Variants in XKR9 observed in about 807,000 individuals in gnomAD.
XKR9 encodes XK-related protein 9.
Under a neutral mutation model 32.0 loss-of-function variants are expected in XKR9, and 32 were observed. That is an observed-to-expected ratio of 1.00 (90% CI 0.76 to 1.34). The LOEUF (loss-of-function observed/expected upper bound fraction) is 1.34, where lower values mean the gene tolerates loss of function less well. Among genes scored for constraint, XKR9 ranks in the 40% most tolerant of loss-of-function variants. The pLI is 0.00. For synonymous variants in XKR9, 168 were observed against 143.4 expected, an observed-to-expected ratio of 1.17 and a Z score of -1.22; for missense variants, 546 against 429.7, an observed-to-expected ratio of 1.27 and a Z score of -2.39.
chr8:70,703,920 C>A (rs964894070), intron 3 of XKR9, among the ~76,000 whole-genome samples: 2 of 152,144 alleles, frequency 1.3e-5, no homozygotes, highest in Non-Finnish European at 2.9e-5. Context: ...TGGTACCTCA[C>A]GCCTGTAATC....
rs776564362 is a variant in XKR9, at chr8:70,733,800, G to A, written c.498G>A (p.Ala166=). 1.2e-5 allele frequency: 18 copies of A among 1,546,822 alleles called. No homozygotes were observed. The highest frequency in any genetic ancestry group is 4.5e-5 in the Admixed American group (2 of 44,534). Residue 166 remains alanine (A), a synonymous_variant, in exon 5 of 5, where the codon GCG becomes GCA. Transcript: ENST00000408926. ...TTTTATTTTTTTGTTTTGTAGATGC[G>A]GCCATCATGGTCTCTTGCTGTGCTA... is the stretch of plus-strand genomic sequence containing the variant. The part of the protein sequence containing the change: ...EHGQANFSQY[A]AIMVSCCAIS...
At chr8:70,849,125 A>C in the XKR9 span, among the ~76,000 whole-genome samples, 3 of 152,202 alleles carry the variant, frequency 2.0e-5, no homozygotes, top group Non-Finnish European at 4.4e-5. Flanking sequence ...CTCTCAACAC[A>C]AGCCAACAGA....
At chr8:71,050,243 A>C in the XKR9 span, among the ~76,000 whole-genome samples, 38 of 123,420 alleles carry the variant, frequency 3.1e-4, no homozygotes, top group East Asian at 7.1e-3. Flanking sequence ...AGAGATATAT[A>C]TATATATATA....
At chr8:70,898,428 G>A in the XKR9 span, among the ~76,000 whole-genome samples, 1 of 152,032 alleles carries the variant, frequency 6.6e-6, no homozygotes, top group Non-Finnish European at 1.5e-5. Flanking sequence ...ATACATTTTA[G>A]GATTGATTTT....
chr8:70,710,551 C>G (rs957944103), intron 4 of XKR9, among the ~76,000 whole-genome samples: 1 of 151,894 alleles, frequency 6.6e-6, no homozygotes. Context: ...ACATAGAGAA[C>G]AATTAGCTGG....
the XKR9 span, among the ~76,000 whole-genome samples, chr8:70,816,969 T>C: frequency 6.6e-6 from 1 of 152,024 alleles, no homozygotes; most frequent in Non-Finnish European, 1.5e-5. Context: ...AAGGAACATA[T>C]CTCACAATAA....
At chr8:70,971,444 T>C in the XKR9 span, among the ~76,000 whole-genome samples, 1 of 152,228 alleles carries the variant, frequency 6.6e-6, no homozygotes, top group Non-Finnish European at 1.5e-5. Context: ...TTTCTTTTGC[T>C]GTGCAGAAAG....
At chr8:70,683,499 T>C (rs1430674529) in intron 3 of XKR9, 2 of 442,378 alleles carry the variant, frequency 4.5e-6, no homozygotes, top group South Asian at 3.3e-5. Flanking sequence ...TTTTCTTTTT[T>C]TTTTTTGAGA....
chr8:70,926,991 A>G, the XKR9 span, among the ~76,000 whole-genome samples: 2 of 152,082 alleles, frequency 1.3e-5, no homozygotes, highest in African/African-American at 4.8e-5. Context: ...CTTACATTTC[A>G]TATGTATAAA....
the XKR9 span, among the ~76,000 whole-genome samples, chr8:70,994,747 GTT>G: frequency 0.33 from 42,209 of 126,830 alleles, 6,759 homozygotes; most frequent in Non-Finnish European, 0.43. Flanking sequence ...GTTATATTCT[GTT>G]TTTTTTTTTT....
chr8:70,760,607 G>A (rs1807294703), intron 2 of XKR9, among the ~76,000 whole-genome samples: 1 of 152,152 alleles, frequency 6.6e-6, no homozygotes, highest in South Asian at 2.1e-4. Context: ...GGGAGTACAG[G>A]CAGGTGCCAC....
At chr8:70,986,731 T>C in the XKR9 span, among the ~76,000 whole-genome samples, 5 of 152,214 alleles carry the variant, frequency 3.3e-5, no homozygotes, top group Admixed American at 6.5e-5. Flanking sequence ...TAGCACCTCT[T>C]GAAGAGACTG....
At chr8:70,835,461 A>G in the XKR9 span, among the ~76,000 whole-genome samples, 1 of 152,088 alleles carries the variant, frequency 6.6e-6, no homozygotes, top group African/African-American at 2.4e-5. Flanking sequence ...TCAGATCTTA[A>G]GATTTTAGGA....
In XKR9 at chr8:70,768,585, A is replaced by T. The variant is rs10104929; in HGVS notation, n.353-20754A>T. Among the ~76,000 whole-genome samples, 466 of 151,982 alleles carry T rather than the reference A, an allele frequency of 3.1e-3. 4 individuals are homozygous for T. Among genetic ancestry groups the T allele is most frequent in the African/African-American group, 0.011 (441 of 41,464 alleles). Reference sequence around the variant, plus strand: ...ATTATTGTCTAGTATGTCTCTAAAAACTTCCTTTTAAATCTGGGTATTCCT... The same window carrying T: ...ATTATTGTCTAGTATGTCTCTAAAATCTTCCTTTTAAATCTGGGTATTCCT... On this transcript the variant is annotated intron_variant and non_coding_transcript_variant, in intron 2 of 3. Coordinates refer to the XKR9 transcript ENST00000520273.
the XKR9 span, among the ~76,000 whole-genome samples, chr8:70,922,301 C>T: frequency 6.6e-6 from 1 of 152,158 alleles, no homozygotes; most frequent in South Asian, 2.1e-4. Flanking sequence ...TTTAGAAGCG[C>T]CACTCAAAAT....
At chr8:70,973,733 G>A in the XKR9 span, among the ~76,000 whole-genome samples, 4 of 152,320 alleles carry the variant, frequency 2.6e-5, no homozygotes, top group South Asian at 8.3e-4. Context: ...CAGTCACTCA[G>A]GAGCAGGTTA....
the XKR9 span, among the ~76,000 whole-genome samples, chr8:70,843,676 C>T: frequency 6.6e-6 from 1 of 151,974 alleles, no homozygotes; most frequent in African/African-American, 2.4e-5. Flanking sequence ...AGTGAAAGAC[C>T]ACGAGTGGTT....
At chr8:70,989,030 G>A in the XKR9 span, among the ~76,000 whole-genome samples, 11 of 152,118 alleles carry the variant, frequency 7.2e-5, no homozygotes, top group African/African-American at 1.4e-4. Context: ...TCCATTACAC[G>A]TATGTACAAC....
chr8:71,042,100 T>C, the XKR9 span, among the ~76,000 whole-genome samples: 1 of 152,038 alleles, frequency 6.6e-6, no homozygotes, highest in Admixed American at 6.5e-5. Context: ...GTGACTGCCA[T>C]ATGTGCTGGC....
Sources: allele counts gnomAD v4.1 joint callset (sites outside exome capture counted in the v4.1 genomes callset), GRCh38; gene constraint gnomAD v4.1.1; transcripts MANE v1.5; gene names NCBI Gene and HGNC (gene_info 2026-07-23, HGNC 2026-07-21).